The following DPYD variants were observed in gnomAD, a reference collection of about 807,000 sequenced individuals.
DPYD encodes dihydropyrimidine dehydrogenase, also known as dihydropyrimidine dehydrogenase [NADP(+)].
Under a neutral mutation model 116.2 loss-of-function variants are expected in DPYD, and 109 were observed. The observed-to-expected ratio is 0.94, with a 90% confidence interval of 0.80 to 1.10. The LOEUF (loss-of-function observed/expected upper bound fraction) is 1.10. Ranked by LOEUF, DPYD falls within the 50% of genes least tolerant of loss-of-function variation. The pLI is 0.00. For synonymous variants in DPYD, 440 were observed against 432.0 expected (o/e 1.02, Z -0.23); for missense variants, 1,302 against 1,254.5 (o/e 1.04, Z -0.57).
intron 19 of DPYD, among the ~76,000 whole-genome samples, chr1:97,200,398 C>A (rs1161967983): frequency 6.6e-6 from 1 of 152,122 alleles, no homozygotes; most frequent in African/African-American, 2.4e-5. Flanking sequence ...AACGGAAATT[C>A]TTCTGCAATG....
intron 20 of DPYD, among the ~76,000 whole-genome samples, chr1:97,131,411 G>T (rs530565890): frequency 1.7e-4 from 26 of 152,092 alleles, no homozygotes; most frequent in Non-Finnish European, 3.5e-4. Context: ...CACTATATCA[G>T]CTAACTTTGC....
intron 18 of DPYD, among the ~76,000 whole-genome samples, chr1:97,249,289 T>C (rs1260152624): frequency 1.3e-5 from 2 of 151,886 alleles, no homozygotes; most frequent in African/African-American, 4.8e-5. Flanking sequence ...GTAAGGCCAA[T>C]TAATTTTTGA....
At chr1:97,476,418 GA>G (rs528752159) in intron 13 of DPYD, among the ~76,000 whole-genome samples, 10 of 152,010 alleles carry the variant, frequency 6.6e-5, no homozygotes, top group Non-Finnish European at 1.3e-4. Flanking sequence ...AAATTTATAT[GA>G]AAAAACAAAG....
chr1:97,822,222 T>TTCTC (rs150231775), intron 3 of DPYD, among the ~76,000 whole-genome samples: 7 of 92,274 alleles, frequency 7.6e-5, no homozygotes, highest in African/African-American at 2.5e-4. Context: ...GCAATTTTGT[T>TTCTC]TCTCTCTCTC....
chr1:97,091,073 GGAA>G (rs1418031674), intron 21 of DPYD, among the ~76,000 whole-genome samples: 23 of 152,158 alleles, frequency 1.5e-4, no homozygotes, highest in Non-Finnish European at 3.4e-4. Context: ...TCCCAACCAG[GGAA>G]GATGGGGTAG....
intron 19 of DPYD, among the ~76,000 whole-genome samples, chr1:97,197,046 T>C (rs1315012813): frequency 6.6e-6 from 1 of 152,166 alleles, no homozygotes; most frequent in Non-Finnish European, 1.5e-5. Context: ...AACCCCTTCA[T>C]TTTCTATTCT....
At chr1:97,527,268 A>T (rs550583441) in intron 12 of DPYD, among the ~76,000 whole-genome samples, 1 of 151,964 alleles carries the variant, frequency 6.6e-6, no homozygotes, top group African/African-American at 2.4e-5. Context: ...TTGTAGAGAC[A>T]GGGTTTCACC....
intron 18 of DPYD, among the ~76,000 whole-genome samples, chr1:97,293,701 T>C (rs1284424528): frequency 6.6e-6 from 1 of 152,070 alleles, no homozygotes; most frequent in Non-Finnish European, 1.5e-5. Flanking sequence ...CAGCACTTTG[T>C]GGGGCTGAGG....
chr1:97,460,523 G>C (rs1215772041), intron 13 of DPYD, among the ~76,000 whole-genome samples: 2 of 152,260 alleles, frequency 1.3e-5, no homozygotes, highest in Admixed American at 6.5e-5. Flanking sequence ...ATGGTGCGTT[G>C]ATATGCTGAG....
At chr1:97,611,654 C>A (rs1283515980) in intron 8 of DPYD, among the ~76,000 whole-genome samples, 1 of 152,016 alleles carries the variant, frequency 6.6e-6, no homozygotes, top group Non-Finnish European at 1.5e-5. Flanking sequence ...GCATCACGTA[C>A]TGTGCTAGAC....
chr1:97,846,544 G>T (rs1670312974), intron 2 of DPYD, among the ~76,000 whole-genome samples: 1 of 152,216 alleles, frequency 6.6e-6, no homozygotes, highest in East Asian at 1.9e-4. Context: ...GGTAGATCGT[G>T]TCAGAATTAA....
chr1:97,172,032 C>T (rs370353682), intron 20 of DPYD, among the ~76,000 whole-genome samples: 14 of 152,072 alleles, frequency 9.2e-5, no homozygotes, highest in African/African-American at 2.2e-4. Flanking sequence ...AGTATAAGGA[C>T]GCAAATGAGC....
intron 3 of DPYD, among the ~76,000 whole-genome samples, chr1:97,803,864 T>G (rs144217826): frequency 0.018 from 2,689 of 151,976 alleles, 93 homozygotes; most frequent in African/African-American, 0.061. Flanking sequence ...ATATCTTTAT[T>G]GATGAATTTA....
At chr1:97,902,045 A>T (rs1292952330) in intron 1 of DPYD, among the ~76,000 whole-genome samples, 2 of 151,784 alleles carry the variant, frequency 1.3e-5, no homozygotes, top group African/African-American at 4.8e-5. Flanking sequence ...CTGCCCCACT[A>T]GCCTTTCAGC....
intron 13 of DPYD, among the ~76,000 whole-genome samples, chr1:97,500,829 G>A (rs142744534): frequency 2.5e-4 from 38 of 152,192 alleles, no homozygotes; most frequent in African/African-American, 7.2e-4. Flanking sequence ...GTCATCCACT[G>A]GCAGGGAGTT....
At chr1:97,736,791 G>A (rs1278309120) in intron 4 of DPYD, among the ~76,000 whole-genome samples, 2 of 151,718 alleles carry the variant, frequency 1.3e-5, no homozygotes, top group African/African-American at 2.4e-5. Flanking sequence ...GCAGGATTAT[G>A]GCTTGTGTAC....
intron 12 of DPYD, among the ~76,000 whole-genome samples, chr1:97,540,054 C>CAGCA (rs1278072691): frequency 6.6e-6 from 1 of 152,068 alleles, no homozygotes; most frequent in African/African-American, 2.4e-5. Context: ...TGCTCCCCAC[C>CAGCA]AGCAAGCAAG....
intron 5 of DPYD, among the ~76,000 whole-genome samples, chr1:97,709,161 G>A (rs958590453): frequency 6.6e-6 from 1 of 151,566 alleles, no homozygotes; most frequent in Non-Finnish European, 1.5e-5. Flanking sequence ...TTTTTAAGGT[G>A]TTCCCTTCCC....
intron 1 of DPYD, among the ~76,000 whole-genome samples, chr1:97,909,461 G>T (rs1157531265): frequency 1.5e-4 from 23 of 151,964 alleles, no homozygotes; most frequent in Admixed American, 1.5e-3. Context: ...CCCCTTTACA[G>T]GAAAACTTTT....
Sources: allele counts gnomAD v4.1 joint callset (sites outside exome capture counted in the v4.1 genomes callset), GRCh38; gene constraint gnomAD v4.1.1; transcripts MANE v1.5; gene names NCBI Gene and HGNC (gene_info 2026-07-23, HGNC 2026-07-21).